Variants in PCDHA6 observed in about 807,000 individuals in gnomAD.
PCDHA6 encodes the protein protocadherin alpha 6.
PCDHA6 carries 55 observed loss-of-function variants against 60.3 expected under a neutral mutation model. That is an observed-to-expected ratio of 0.91 (90% CI 0.73 to 1.14). The LOEUF is 1.14. Among genes scored for constraint, PCDHA6 ranks in the 50% most tolerant of loss-of-function variants. PCDHA6 has a pLI of 0.00. For synonymous variants in PCDHA6, 652 were observed against 557.9 expected (o/e 1.17, Z -2.38); for missense variants, 1,327 against 1,256.5 (o/e 1.06, Z -0.85).
At chr5:140,885,131 CT>C (rs1162868700) in intron 1 of PCDHA6, among the ~76,000 whole-genome samples, 1 of 152,024 alleles carries the variant, frequency 6.6e-6, no homozygotes, top group Non-Finnish European at 1.5e-5. Flanking sequence ...TTCTTTCTTT[CT>C]TTTTTTAAAC....
intron 1 of PCDHA6, among the ~76,000 whole-genome samples, chr5:140,954,250 T>C (rs1018325931): frequency 6.6e-6 from 1 of 152,252 alleles, no homozygotes; most frequent in Non-Finnish European, 1.5e-5. Context: ...AACATACACA[T>C]GCAGGTATCT....
intron 1 of PCDHA6, chr5:140,854,524 C>T (rs1220385144): frequency 6.7e-6 from 1 of 149,864 alleles, no homozygotes; most frequent in Non-Finnish European, 1.5e-5. Flanking sequence ...TTAAGTGACA[C>T]CCATTTCTGT....
chr5:140,954,824 C>T (rs1167171102), intron 1 of PCDHA6, among the ~76,000 whole-genome samples: 2 of 152,068 alleles, frequency 1.3e-5, no homozygotes, highest in Non-Finnish European at 2.9e-5. Flanking sequence ...GCTTTAGGCA[C>T]TTTTGTCATG....
intron 3 of PCDHA6, among the ~76,000 whole-genome samples, chr5:141,007,029 T>C (rs2098299696): frequency 6.6e-6 from 1 of 152,154 alleles, no homozygotes; most frequent in Non-Finnish European, 1.5e-5. Context: ...ATATGGTATT[T>C]ATATCTATGG....
chr5:140,877,698 C>T, intron 1 of PCDHA6: 2 of 1,613,958 alleles, frequency 1.2e-6, no homozygotes, highest in Non-Finnish European at 1.7e-6. Context: ...TGGTGTGCTC[C>T]AGCGCCGTGG....
At chr5:140,886,921 C>T (rs778306326) in intron 1 of PCDHA6, among the ~76,000 whole-genome samples, 2 of 151,406 alleles carry the variant, frequency 1.3e-5, no homozygotes, top group African/African-American at 4.9e-5. Context: ...TGAGTGTTCT[C>T]TATGTGCCAG....
chr5:140,954,843 G>T (rs1011520662), intron 1 of PCDHA6, among the ~76,000 whole-genome samples: 4 of 152,058 alleles, frequency 2.6e-5, no homozygotes, highest in African/African-American at 9.7e-5. Flanking sequence ...TGAAATCTTT[G>T]CCTGTGCCTA....
At chr5:140,969,457 T>C (rs1554231852) in intron 1 of PCDHA6, 1 of 1,505,602 alleles carries the variant, frequency 6.6e-7, no homozygotes, top group Admixed American at 2.2e-5. Context: ...TGAGTATATA[T>C]AGTATCCACA....
chr5:140,871,535 G>T (rs577559822), intron 1 of PCDHA6: 2 of 1,514,054 alleles, frequency 1.3e-6, no homozygotes, highest in Admixed American at 4.8e-5. Flanking sequence ...AAGTGTATGT[G>T]AAATTATTTA....
intron 1 of PCDHA6, chr5:140,875,958 C>T (rs1312300687): frequency 1.2e-6 from 2 of 1,613,962 alleles, no homozygotes; most frequent in Admixed American, 3.3e-5. Context: ...ATGCGGATAT[C>T]GGCGTAAACT....
intron 1 of PCDHA6, among the ~76,000 whole-genome samples, chr5:140,913,185 G>A (rs1331767738): frequency 2.6e-5 from 4 of 152,166 alleles, no homozygotes; most frequent in African/African-American, 9.7e-5. Flanking sequence ...TAAATGTTTG[G>A]TAGAATTTGG....
intron 1 of PCDHA6, among the ~76,000 whole-genome samples, chr5:140,907,345 G>A (rs568376480): frequency 3.3e-5 from 5 of 152,296 alleles, no homozygotes; most frequent in East Asian, 1.9e-4. Flanking sequence ...GCATGAGCCC[G>A]CTGCTGCACT....
intron 3 of PCDHA6, among the ~76,000 whole-genome samples, chr5:140,998,767 T>C (rs367972918): frequency 5.3e-5 from 8 of 152,312 alleles, no homozygotes; most frequent in African/African-American, 1.9e-4. Flanking sequence ...TTTCACTATG[T>C]TGGTCAGGCT....
intron 1 of PCDHA6, chr5:140,882,225 C>A (rs782533520): frequency 1.5e-5 from 23 of 1,559,462 alleles, no homozygotes; most frequent in Non-Finnish European, 1.8e-5. Flanking sequence ...TGAGGTAAGG[C>A]GTTGTATATA....
At chr5:140,911,987 G>A (rs1554195079) in intron 1 of PCDHA6, among the ~76,000 whole-genome samples, 1 of 152,086 alleles carries the variant, frequency 6.6e-6, no homozygotes, top group Admixed American at 6.6e-5. Context: ...TGATCACAAG[G>A]TCCCACAATA....
chr5:140,862,365 G>C, intron 1 of PCDHA6: 1 of 337,898 alleles, frequency 3.0e-6, no homozygotes, highest in South Asian at 2.4e-5. Flanking sequence ...CAGACGACCC[G>C]CACCCTGACT....
intron 1 of PCDHA6, among the ~76,000 whole-genome samples, chr5:140,976,307 T>C (rs955106939): frequency 6.6e-6 from 1 of 152,100 alleles, no homozygotes; most frequent in African/African-American, 2.4e-5. Flanking sequence ...TCCCAGCACT[T>C]TGGGAGGCCG....
chr5:140,890,543 CTGAG>C (rs1391853747), intron 1 of PCDHA6, among the ~76,000 whole-genome samples: 1 of 152,012 alleles, frequency 6.6e-6, no homozygotes, highest in African/African-American at 2.4e-5. Context: ...TTTGAAATGA[CTGAG>C]TACTTTTTAT....
chr5:140,869,141 G>T (rs782396331), intron 1 of PCDHA6: 1 of 1,613,314 alleles, frequency 6.2e-7, no homozygotes, highest in African/African-American at 1.3e-5. Flanking sequence ...GGCACCCCAC[G>T]ACTACAGCTC....
Sources: gnomAD v4.1 joint callset for allele counts (sites outside exome capture counted in the v4.1 genomes callset) on GRCh38, gnomAD v4.1.1 for gene constraint, MANE v1.5 for transcripts, NCBI Gene and HGNC (gene_info 2026-07-23, HGNC 2026-07-21) for gene names.